The following MAP2 variants were observed in gnomAD, a reference collection of about 807,000 sequenced individuals.
The protein encoded by MAP2 is microtubule-associated protein 2.
Under a neutral mutation model 137.6 loss-of-function variants are expected in MAP2, and 14 were observed. The ratio of observed to expected loss-of-function variants is 0.10; its 90% CI spans 0.07 to 0.16. The LOEUF is 0.16. Among genes scored for constraint, MAP2 ranks in the 10% least tolerant of loss-of-function variants. The pLI is 1.00. For missense variants in MAP2, 2,088 were observed against 2,191.5 expected (o/e 0.95, Z 0.94); for synonymous variants, 786 against 782.3 (o/e 1.00, Z -0.08).
chr2:209,516,428 G>T (rs769428552), intron 2 of MAP2, among the ~76,000 whole-genome samples: 7 of 152,028 alleles, frequency 4.6e-5, no homozygotes, highest in Non-Finnish European at 1.0e-4. Context: ...AGTATAAGCT[G>T]ATCTACTTTT....
At chr2:209,682,698 A>G (rs1489916269) in intron 7 of MAP2, among the ~76,000 whole-genome samples, 2 of 152,192 alleles carry the variant, frequency 1.3e-5, no homozygotes, top group African/African-American at 4.8e-5. Context: ...GGCCAAATAA[A>G]GATAGAAAAA....
chr2:209,713,797 C>T (rs1341442693), intron 13 of MAP2, among the ~76,000 whole-genome samples: 2 of 152,162 alleles, frequency 1.3e-5, no homozygotes, highest in East Asian at 3.8e-4. Context: ...ATCTAATAAT[C>T]AGGTTTTAAA....
chr2:209,617,839 A>C (rs1417392505), intron 3 of MAP2, among the ~76,000 whole-genome samples: 1 of 152,204 alleles, frequency 6.6e-6, no homozygotes, highest in Admixed American at 6.5e-5. Flanking sequence ...CTTCAGAGAC[A>C]CTTTGGCAGC....
chr2:209,614,724 G>A (rs2088500220), intron 3 of MAP2, among the ~76,000 whole-genome samples: 1 of 152,110 alleles, frequency 6.6e-6, no homozygotes, highest in African/African-American at 2.4e-5. Flanking sequence ...AAATAATTTG[G>A]GGAGGAAGAA....
intron 1 of MAP2, among the ~76,000 whole-genome samples, chr2:209,505,419 C>T (rs2060909384): frequency 6.6e-6 from 1 of 152,136 alleles, no homozygotes; most frequent in Non-Finnish European, 1.5e-5. Flanking sequence ...CTTGAAGTCA[C>T]ACTGGACGCT....
At chr2:209,637,593 G>A (rs1581601670) in intron 4 of MAP2, among the ~76,000 whole-genome samples, 1 of 152,114 alleles carries the variant, frequency 6.6e-6, no homozygotes, top group Non-Finnish European at 1.5e-5. Context: ...TCAGTCCACA[G>A]TGGCCCTTTT....
intron 5 of MAP2, among the ~76,000 whole-genome samples, chr2:209,672,021 A>G (rs2049054353): frequency 6.6e-6 from 1 of 152,086 alleles, no homozygotes; most frequent in South Asian, 2.1e-4. Context: ...ATGTAACACA[A>G]TAACTTTAAA....
At chr2:209,638,814 A>C (rs529958232) in intron 4 of MAP2, among the ~76,000 whole-genome samples, 4 of 152,134 alleles carry the variant, frequency 2.6e-5, no homozygotes, top group Non-Finnish European at 5.9e-5. Context: ...TTATGGTCAG[A>C]GTCTATATCT....
intron 1 of MAP2, among the ~76,000 whole-genome samples, chr2:209,429,688 A>G (rs1693710376): frequency 6.6e-6 from 1 of 152,162 alleles, no homozygotes; most frequent in African/African-American, 2.4e-5. Flanking sequence ...AAGCAAACTC[A>G]CAAGTAAATA....
intron 2 of MAP2, among the ~76,000 whole-genome samples, chr2:209,564,911 A>G (rs1423552848): frequency 6.6e-6 from 1 of 151,598 alleles, no homozygotes; most frequent in East Asian, 1.9e-4. Flanking sequence ...GCCTTTTTTC[A>G]CTCAACAGTT....
At position 209,695,401 on chromosome 2, in the gene MAP2, C is replaced by T. The variant is rs550587107; in HGVS notation, c.3231C>T (p.Asp1077=). The change falls in exon 8 of 16, where the codon GAC becomes GAT. Residue 1077 remains aspartate, a synonymous_variant. Transcript: ENST00000682079. ...ATELKLEATQ[D]MTPSSKAPQE... ...AGCTAAAACTTGAGGCTACACAGGA[C>T]ATGACCCCCTCATCCAAAGCACCGC... The T allele has an allele frequency of 1.5e-5, 25 of 1,612,994 alleles. No individual in the cohort carries two copies. The South Asian group carries it at 2.8e-4, about 18-fold the overall frequency.
At chr2:209,442,028 T>C (rs1425706205) in intron 1 of MAP2, among the ~76,000 whole-genome samples, 2 of 151,596 alleles carry the variant, frequency 1.3e-5, no homozygotes, top group Admixed American at 6.6e-5. Flanking sequence ...ATATTAATTA[T>C]TGGACAAACA....
chr2:209,551,972 A>G (rs1405947846), intron 2 of MAP2, among the ~76,000 whole-genome samples: 1 of 152,204 alleles, frequency 6.6e-6, no homozygotes, highest in East Asian at 1.9e-4. Flanking sequence ...CCCACTCAAT[A>G]TACCATACTT....
intron 1 of MAP2, among the ~76,000 whole-genome samples, chr2:209,449,910 G>T (rs192885733): frequency 1.5e-3 from 232 of 152,070 alleles, no homozygotes; most frequent in South Asian, 2.9e-3. Flanking sequence ...AATTTTTTAA[G>T]TCACTTATCT....
At chr2:209,730,076 A>G in intron 15 of MAP2, 106 bp from the exon 16 acceptor site, 2 of 1,152,800 alleles carry the variant, frequency 1.7e-6, no homozygotes, top group Non-Finnish European at 2.6e-6. Flanking sequence ...AGTGGGGATA[A>G]CAGAGGTGAA....
At chr2:209,696,806 T>C in intron 9 of MAP2, 58 bp downstream of exon 9, 1 of 1,534,390 alleles carries the variant, frequency 6.5e-7, no homozygotes. Flanking sequence ...TATTACTTTT[T>C]TGCAGAACTG....
At chr2:209,704,377 CT>C (rs1584050427) in intron 11 of MAP2, 1 of 1,362,998 alleles carries the variant, frequency 7.3e-7, no homozygotes, top group East Asian at 2.4e-5. Flanking sequence ...TATGTTTATA[CT>C]TCTTTTTTAT....
intron 3 of MAP2, among the ~76,000 whole-genome samples, chr2:209,583,201 T>A (rs2076937749): frequency 7.1e-6 from 1 of 141,226 alleles, no homozygotes; most frequent in South Asian, 2.3e-4. Context: ...ATCCTATCTA[T>A]CTATTTATCT....
At chr2:209,598,827 T>A (rs2082158755) in intron 3 of MAP2, among the ~76,000 whole-genome samples, 1 of 150,882 alleles carries the variant, frequency 6.6e-6, no homozygotes, top group African/African-American at 2.4e-5. Flanking sequence ...TGTGCCACAT[T>A]TTCTTAATCC....
Sources: gnomAD v4.1 joint callset for allele counts (sites outside exome capture counted in the v4.1 genomes callset) on GRCh38, gnomAD v4.1.1 for gene constraint, MANE v1.5 for transcripts, NCBI Gene and HGNC (gene_info 2026-07-23, HGNC 2026-07-21) for gene names.